The following PCDHA1 variants were observed in gnomAD, a reference collection of about 807,000 sequenced individuals.
PCDHA1 encodes the protein protocadherin alpha-1.
Under a neutral mutation model 61.3 loss-of-function variants are expected in PCDHA1, and 42 were observed. The ratio of observed to expected loss-of-function variants is 0.69; its 90% CI spans 0.54 to 0.89. PCDHA1 has a LOEUF of 0.89. PCDHA1 is among the 40% of genes least tolerant of loss of function. PCDHA1 has a pLI of 0.00. For missense variants in PCDHA1, 1,256 were observed against 1,235.3 expected (o/e 1.02, Z -0.25); for synonymous variants, 610 against 553.8 (o/e 1.10, Z -1.43).
chr5:140,794,333 C>T (rs1233373241), intron 1 of PCDHA1, among the ~76,000 whole-genome samples: 1 of 152,178 alleles, frequency 6.6e-6, no homozygotes, highest in East Asian at 1.9e-4. Context: ...TTGTCACATG[C>T]TACAACATGG....
chr5:140,825,268 G>A (rs1348823121), intron 1 of PCDHA1: 1 of 149,918 alleles, frequency 6.7e-6, no homozygotes, highest in Non-Finnish European at 1.5e-5. Context: ...GTATGTGATT[G>A]GTTATTTTTC....
In PCDHA1 at chr5:140,852,899, G is replaced by A; in HGVS notation, c.2394+64215G>A. On this transcript the variant is annotated intron_variant, in intron 1 of 3. Transcript: ENST00000504120. ...TCATAAAACGTATTTTTTTTTTTGA[G>A]TCAGAGTCTCGCTCTGTTGCCCAGG... 4.8e-6 allele frequency: 4 copies of A among 840,714 alleles called. 1 individual carries two copies. Among genetic ancestry groups the A allele is most frequent in the Non-Finnish European group, 5.8e-6 (4 of 685,948 alleles). The allele number at this position is 840,714 out of a possible 1,614,324, so 52.1% of individuals were successfully genotyped here.
chr5:140,971,210 C>G (rs192930872), intron 1 of PCDHA1, among the ~76,000 whole-genome samples: 383 of 152,274 alleles, frequency 2.5e-3, no homozygotes, highest in Non-Finnish European at 3.7e-3. Context: ...CACTGTTACC[C>G]TCCCTCTCCT....
intron 1 of PCDHA1, chr5:140,801,263 A>G: frequency 1.2e-6 from 2 of 1,613,734 alleles, no homozygotes; most frequent in South Asian, 1.1e-5. Context: ...TGCTCCTCGC[A>G]GCCTCGGAGG....
At position 140,802,522 on chromosome 5, in the gene PCDHA1, C is replaced by T. The variant is rs781874116; in HGVS notation, c.2394+13838C>T. On this transcript the variant is annotated intron_variant, in intron 1 of 3. Transcript: ENST00000504120. ...TCACTGTGGGCCACGGCCAGCGTGT[C>T]CGTGGAGGTGGCCGACGTGAACGAC... is the stretch of plus-strand genomic sequence containing the variant. 2.5e-6 allele frequency: 4 copies of T among 1,614,158 alleles called. No homozygotes were observed. In the South Asian group the frequency reaches 4.4e-5, roughly 18 times the overall value.
At chr5:140,828,870 C>G (rs1176044523) in intron 1 of PCDHA1, 1 of 1,614,086 alleles carries the variant, frequency 6.2e-7, no homozygotes, top group Non-Finnish European at 8.5e-7. Context: ...AACGGAACAA[C>G]AGTTATCAGA....
At chr5:140,863,623 T>C (rs782448471) in intron 1 of PCDHA1, 49 of 322,260 alleles carry the variant, frequency 1.5e-4, no homozygotes, top group Non-Finnish European at 1.9e-4. Context: ...CATAGTGACA[T>C]TGATAATGTT....
intron 1 of PCDHA1, among the ~76,000 whole-genome samples, chr5:140,794,111 A>G (rs1322681989): frequency 1.3e-5 from 2 of 152,216 alleles, no homozygotes; most frequent in Admixed American, 6.5e-5. Flanking sequence ...AATGGAAGCA[A>G]CTCAAATGTC....
chr5:140,871,832 C>G (rs2053333400), intron 1 of PCDHA1, among the ~76,000 whole-genome samples: 2 of 152,246 alleles, frequency 1.3e-5, no homozygotes, highest in Non-Finnish European at 2.9e-5. Context: ...CCCTTCATCT[C>G]TAAACTTCAA....
intron 1 of PCDHA1, among the ~76,000 whole-genome samples, chr5:140,875,039 A>AT: frequency 3.9e-5 from 6 of 152,348 alleles, no homozygotes; most frequent in Admixed American, 3.9e-4. Context: ...TATTTGAAAG[A>AT]TTTCTACTTT....
intron 3 of PCDHA1, among the ~76,000 whole-genome samples, chr5:140,987,146 G>A (rs942853645): frequency 1.3e-5 from 2 of 151,812 alleles, no homozygotes; most frequent in Non-Finnish European, 2.9e-5. Flanking sequence ...CTCGGGAGGT[G>A]GAGGTTGCAG....
intron 1 of PCDHA1, chr5:140,858,776 C>G (rs2045586511): frequency 2.4e-6 from 1 of 420,578 alleles, no homozygotes; most frequent in Admixed American, 4.3e-5. Context: ...GAGATTAGTA[C>G]TTCATGTTAT....
chr5:140,967,009 T>G, intron 1 of PCDHA1: 1 of 1,606,176 alleles, frequency 6.2e-7, no homozygotes, highest in Non-Finnish European at 8.5e-7. Flanking sequence ...GCATCAACCA[T>G]CTGGGTGCGC....
chr5:140,856,348 G>A (rs2043945989), intron 1 of PCDHA1: 2 of 1,598,578 alleles, frequency 1.3e-6, no homozygotes, highest in Admixed American at 1.7e-5. Context: ...GGAGCGTGGA[G>A]TGCAGCATCC....
At chr5:141,004,179 G>A (rs2098156608) in intron 3 of PCDHA1, among the ~76,000 whole-genome samples, 1 of 152,206 alleles carries the variant, frequency 6.6e-6, no homozygotes, top group Non-Finnish European at 1.5e-5. Flanking sequence ...CAAGTGTCTT[G>A]AGTGCTCTTA....
At position 140,905,827 on chromosome 5, in the gene PCDHA1, A is replaced by T. The variant is rs140988076; in HGVS notation, c.2395-73122A>T. 2.2e-3 allele frequency among the ~76,000 whole-genome samples: 329 copies of T among 152,298 alleles called. 1 individual carries two copies. The highest frequency in any genetic ancestry group is 7.5e-3 in the African/African-American group (311 of 41,554). The stretch of plus-strand genomic sequence containing the variant: ...CAGAATTAATAGGCTAGATGTGTAT[A>T]TAAAGGGGAGTTTATTAAGGAGTAT... On this transcript the variant is annotated intron_variant, in intron 1 of 3. Coordinates refer to ENST00000504120, the MANE Select transcript of PCDHA1 (RefSeq NM_018900.4).
rs73793550 is a variant in PCDHA1 at position 140,989,564 on chromosome 5, C to T, written c.2542+7001C>T. On this transcript the variant is annotated intron_variant, in intron 3 of 3. Transcript: ENST00000504120. ...GTAATTCCTTTACGTTTTGTGGCTC[C>T]GGCAAGCCCTGTCCTCAGCCTCACT... is the stretch of plus-strand genomic sequence containing the variant. Among the ~76,000 whole-genome samples the T allele has an allele frequency of 6.0e-3, 907 of 152,216 alleles. 13 individuals carry two copies. Among genetic ancestry groups the T allele is most frequent in the African/African-American group, 0.021 (852 of 41,530 alleles).
At chr5:140,837,021 T>C (rs1774876437) in intron 1 of PCDHA1, 2 of 263,032 alleles carry the variant, frequency 7.6e-6, no homozygotes, top group Non-Finnish European at 1.4e-5. Flanking sequence ...ACCTTTCTTC[T>C]ATAGTGTATT....
At chr5:140,871,204 A>G in intron 1 of PCDHA1, 1 of 1,613,764 alleles carries the variant, frequency 6.2e-7, no homozygotes, top group Non-Finnish European at 8.5e-7. Context: ...GTACCTGATC[A>G]TCGCCATCTG....
Sources: allele counts gnomAD v4.1 joint callset (sites outside exome capture counted in the v4.1 genomes callset), GRCh38; gene constraint gnomAD v4.1.1; transcripts MANE v1.5; gene names NCBI Gene and HGNC (gene_info 2026-07-23, HGNC 2026-07-21).